The following PACSIN1 variants were observed in gnomAD, a reference collection of about 807,000 sequenced individuals.
PACSIN1 encodes protein kinase C and casein kinase substrate in neurons 1, also known as protein kinase C and casein kinase substrate in neurons protein 1.
A neutral mutation model predicts 59.5 loss-of-function variants in PACSIN1; 15 were observed. The observed-to-expected ratio is 0.25, with a 90% CI of 0.17 to 0.39. The LOEUF is 0.39. PACSIN1 is among the 10% of genes least tolerant of loss of function. The pLI, the probability that PACSIN1 is intolerant of heterozygous loss-of-function variation, is 1.00. For missense variants in PACSIN1, 420 were observed against 580.2 expected (o/e 0.72, Z 2.84); for synonymous variants, 210 against 220.6 (o/e 0.95, Z 0.42).
intron 1 of PACSIN1, among the ~76,000 whole-genome samples, chr6:34,470,306 G>A (rs1050336706): frequency 6.6e-6 from 1 of 151,770 alleles, no homozygotes; most frequent in African/African-American, 2.4e-5. Flanking sequence ...TCAGCCTCCT[G>A]AGTAGCTGGG....
At chr6:34,497,059 A>T (rs1231820584) in intron 1 of PACSIN1, among the ~76,000 whole-genome samples, 11 of 144,110 alleles carry the variant, frequency 7.6e-5, no homozygotes. Context: ...AGCAATTCTC[A>T]TGGTTCAGCC....
intron 1 of PACSIN1, among the ~76,000 whole-genome samples, chr6:34,495,452 C>G (rs1581967121): frequency 6.6e-6 from 1 of 150,734 alleles, no homozygotes; most frequent in Admixed American, 6.6e-5. Context: ...TCAGGAATAT[C>G]CTTTTTTTTT....
chr6:34,507,563 A>C (rs58184989), intron 1 of PACSIN1, among the ~76,000 whole-genome samples: 1,958 of 147,732 alleles, frequency 0.013, 36 homozygotes, highest in African/African-American at 0.046. Context: ...AAAAAAAAAA[A>C]CCCACATAAC....
rs139462182 is a variant in PACSIN1, at chr6:34,486,592, G to A, written c.-64+20322G>A. ...CAAGGCCAGACAGCAAAAAGGTGAC[G>A]TTGCCATCGCTGGTCCTCTTCCTCC... On this transcript the variant is annotated intron_variant, in intron 1 of 9. Coordinates refer to ENST00000244458, the MANE Select transcript of PACSIN1 (RefSeq NM_020804.5). Among the ~76,000 whole-genome samples, 319 of 152,274 alleles carry A rather than the reference G, an allele frequency of 2.1e-3. 3 individuals are homozygous for A. Among genetic ancestry groups the A allele is most frequent in the African/African-American group, 7.0e-3 (290 of 41,556 alleles).
intron 1 of PACSIN1, among the ~76,000 whole-genome samples, chr6:34,506,093 C>T (rs1305061452): frequency 1.1e-4 from 16 of 152,136 alleles, no homozygotes; most frequent in Non-Finnish European, 2.1e-4. Flanking sequence ...AGCATTTTTA[C>T]GATGGCAGCT....
chr6:34,511,532 T>C (rs756718372), intron 1 of PACSIN1, among the ~76,000 whole-genome samples: 1 of 152,132 alleles, frequency 6.6e-6, no homozygotes, highest in Non-Finnish European at 1.5e-5. Context: ...GACTCAGTGA[T>C]TGTAATATTT....
At chr6:34,519,487 G>T (rs947205945) in intron 1 of PACSIN1, among the ~76,000 whole-genome samples, 20 of 152,288 alleles carry the variant, frequency 1.3e-4, no homozygotes, top group African/African-American at 4.3e-4. Flanking sequence ...TTTCATGGGG[G>T]ACCTGGAGAC....
At chr6:34,472,271 C>CAAAAAAAAA (rs61560626) in intron 1 of PACSIN1, among the ~76,000 whole-genome samples, 2 of 78,292 alleles carry the variant, frequency 2.6e-5, no homozygotes, top group African/African-American at 5.4e-5. Flanking sequence ...GACTCTGTCT[C>CAAAAAAAAA]AAAAAAAAAA....
intron 1 of PACSIN1, among the ~76,000 whole-genome samples, chr6:34,501,053 G>A (rs1242628222): frequency 1.3e-5 from 2 of 152,174 alleles, no homozygotes; most frequent in Admixed American, 6.5e-5. Flanking sequence ...CTTCTATTTA[G>A]ACTACTAAAA....
intron 1 of PACSIN1, among the ~76,000 whole-genome samples, chr6:34,482,247 C>T (rs1366311757): frequency 2.0e-5 from 3 of 152,112 alleles, no homozygotes; most frequent in African/African-American, 7.2e-5. Flanking sequence ...CCACCATGCC[C>T]AGCTAATTTT....
intron 1 of PACSIN1, among the ~76,000 whole-genome samples, chr6:34,490,897 G>T (rs187749718): frequency 8.8e-4 from 134 of 152,292 alleles, no homozygotes; most frequent in African/African-American, 2.9e-3. Flanking sequence ...TCTTGCCAGG[G>T]TGTTAATTCT....
chr6:34,531,111 A>G lies in PACSIN1; in HGVS notation c.1038-489A>G, dbSNP rs1386633914. 1.3e-5 allele frequency among the ~76,000 whole-genome samples: 2 copies of G among 152,236 alleles called. No individual in the cohort carries two copies. The highest frequency in any genetic ancestry group is 2.9e-5 in the Non-Finnish European group (2 of 68,038). Reference sequence around the variant, plus strand: ...CCTCTCTAAAAGATAGTGGTAGCATATCCTTCTAGAGCACCTACTGTGTGT... The same window carrying G: ...CCTCTCTAAAAGATAGTGGTAGCATGTCCTTCTAGAGCACCTACTGTGTGT... On this transcript the variant is annotated intron_variant, in intron 8 of 9. Transcript: ENST00000244458. This position sits in a 1 kb window ranked among gnomAD's most constrained non-coding sequence, Gnocchi z 4.4.
chr6:34,472,693 T>C (rs935170615), intron 1 of PACSIN1, among the ~76,000 whole-genome samples: 12 of 152,156 alleles, frequency 7.9e-5, no homozygotes, highest in African/African-American at 2.7e-4. Context: ...CATGGGCTTA[T>C]ATTCCCTCTC....
intron 4 of PACSIN1, 105 bp downstream of exon 4, chr6:34,528,982 T>C: frequency 1.2e-6 from 1 of 853,692 alleles, no homozygotes; most frequent in South Asian, 1.6e-5. Flanking sequence ...GGCACTGCCC[T>C]CTGGGATTGT....
intron 1 of PACSIN1, among the ~76,000 whole-genome samples, chr6:34,470,772 A>C (rs1282962405): frequency 6.6e-6 from 1 of 152,088 alleles, no homozygotes; most frequent in Non-Finnish European, 1.5e-5. Flanking sequence ...TTTCTATATA[A>C]AATGCAGCAT....
chr6:34,471,228 A>G (rs953961514), intron 1 of PACSIN1, among the ~76,000 whole-genome samples: 7 of 152,192 alleles, frequency 4.6e-5, no homozygotes, highest in African/African-American at 9.7e-5. Context: ...GATTACAGGC[A>G]TGAGCCACCG....
intron 1 of PACSIN1, among the ~76,000 whole-genome samples, chr6:34,481,986 C>A (rs1008920633): frequency 6.6e-6 from 1 of 152,198 alleles, no homozygotes; most frequent in Non-Finnish European, 1.5e-5. Flanking sequence ...CACCAAACAA[C>A]CTTCTGTCTC....
At chr6:34,528,333 C>T (rs1767525248) in intron 3 of PACSIN1, among the ~76,000 whole-genome samples, 1 of 152,204 alleles carries the variant, frequency 6.6e-6, no homozygotes, top group Admixed American at 6.5e-5. Context: ...GTCCAGGCTG[C>T]CCCCCTCCGA....
intron 1 of PACSIN1, among the ~76,000 whole-genome samples, chr6:34,495,811 C>T (rs1394210909): frequency 1.3e-5 from 2 of 152,152 alleles, no homozygotes; most frequent in Non-Finnish European, 2.9e-5. Flanking sequence ...AAACTACTTC[C>T]CTAAATCATA....
Sources: allele counts gnomAD v4.1 joint callset (sites outside exome capture counted in the v4.1 genomes callset), GRCh38; gene constraint gnomAD v4.1.1; non-coding constraint Gnocchi (gnomAD v3.1); transcripts MANE v1.5; gene names NCBI Gene and HGNC (gene_info 2026-07-23, HGNC 2026-07-21).